CLEC2B: variants seen among roughly 807,000 people sequenced by gnomAD.
The protein encoded by CLEC2B is C-type (calcium dependent, carbohydrate-recognition domain) lectin, superfamily member 2 (activation-induced).
Under a neutral mutation model 16.2 loss-of-function variants are expected in CLEC2B, and 14 were observed. The ratio of observed to expected loss-of-function variants is 0.86; its 90% CI spans 0.57 to 1.35. The LOEUF (loss-of-function observed/expected upper bound fraction) is 1.35. Among genes scored for constraint, CLEC2B ranks in the 40% most tolerant of loss-of-function variants. CLEC2B has a pLI of 0.00. For missense variants in CLEC2B, 166 were observed against 182.3 expected (o/e 0.91, Z 0.52); for synonymous variants, 42 against 55.8 (o/e 0.75, Z 1.10).
intron 3 of CLEC2B, among the ~76,000 whole-genome samples, chr12:9,856,336 T>A (rs528961275): frequency 6.6e-6 from 1 of 152,212 alleles, no homozygotes; most frequent in African/African-American, 2.4e-5. Context: ...TTTCTCAGAA[T>A]GTTCATTTTC....
Position 9,852,604 on chromosome 12 carries a change from T to C in CLEC2B, c.*696A>G, listed in dbSNP as rs1867854537. Among the ~76,000 whole-genome samples, 1 of 152,232 alleles carries C rather than the reference T, an allele frequency of 6.6e-6. No individual in the cohort carries two copies. The highest frequency in any genetic ancestry group is 2.4e-5 in the African/African-American group (1 of 41,462). On this transcript the variant is annotated 3_prime_UTR_variant, in exon 5 of 5. Transcript: ENST00000228438. ...CTGAGTGCCTTTTTCCCCTGGCCTGTCTACCCTGTTTTAGTTGCATATGAC... is the reference window on the plus strand; with the variant it reads ...CTGAGTGCCTTTTTCCCCTGGCCTGCCTACCCTGTTTTAGTTGCATATGAC...
intron 1 of CLEC2B, among the ~76,000 whole-genome samples, chr12:9,867,920 T>G (rs1867984030): frequency 6.6e-6 from 1 of 152,008 alleles, no homozygotes; most frequent in Non-Finnish European, 1.5e-5. Context: ...TCAAACAGAA[T>G]ATTATTTTTC....
chr12:9,853,971 T>C (rs1867872948), intron 4 of CLEC2B, among the ~76,000 whole-genome samples: 1 of 152,142 alleles, frequency 6.6e-6, no homozygotes, highest in Non-Finnish European at 1.5e-5. Flanking sequence ...CAGGACAAAC[T>C]GCATAACAGT....
Position 9,853,113 on chromosome 12 carries a change from A to AGAAAGAGAAAG in CLEC2B, c.*186_*187insCTTTCTCTTTC. ...AGAGAGAGAAAGAAAGAAAGAAAAA[A>AGAAAGAGAAAG]ACTCAGCAGAATACCTGTAACCATT... is the stretch of plus-strand genomic sequence containing the variant. On this transcript the variant is annotated 3_prime_UTR_variant, in exon 5 of 5. Transcript: ENST00000228438. 4 of 408,892 alleles carry AGAAAGAGAAAG rather than the reference A, an allele frequency of 9.8e-6. No individual in the cohort carries two copies. The highest frequency in any genetic ancestry group is 1.7e-5 in the Non-Finnish European group (4 of 233,138). 25.3% of individuals were successfully genotyped at this position (408,892 alleles called of 1,614,324 possible).
intron 2 of CLEC2B, among the ~76,000 whole-genome samples, chr12:9,858,426 T>A (rs1867910311): frequency 6.6e-6 from 1 of 152,072 alleles, no homozygotes; most frequent in Non-Finnish European, 1.5e-5. Context: ...TCTCATAATA[T>A]GTGTTTGTAT....
intron 2 of CLEC2B, among the ~76,000 whole-genome samples, chr12:9,860,153 A>C (rs955281142): frequency 2.0e-5 from 3 of 151,754 alleles, no homozygotes; most frequent in African/African-American, 7.2e-5. Context: ...ATAGCCAGTA[A>C]AATAAGAGAA....
intron 4 of CLEC2B, among the ~76,000 whole-genome samples, chr12:9,853,788 T>G (rs1275665555): frequency 2.0e-5 from 3 of 152,124 alleles, no homozygotes; most frequent in Non-Finnish European, 2.9e-5. Context: ...GCCAATGCCC[T>G]ACAATGCACA....
intron 3 of CLEC2B, chr12:9,857,252 T>C (rs1363674910): frequency 2.1e-6 from 1 of 477,446 alleles, no homozygotes; most frequent in African/African-American, 2.0e-5. Flanking sequence ...CTTTAAAATA[T>C]AAAGATAGGT....
At chr12:9,864,991 T>C (rs906210459) in intron 1 of CLEC2B, among the ~76,000 whole-genome samples, 2 of 152,060 alleles carry the variant, frequency 1.3e-5, no homozygotes, top group Non-Finnish European at 2.9e-5. Context: ...AAGACTAGCC[T>C]GTCCAACATA....
Position 9,852,430 on chromosome 12 carries a change from T to C in CLEC2B, c.*870A>G, listed in dbSNP as rs1867852343. Among the ~76,000 whole-genome samples the C allele has an allele frequency of 6.6e-6, 1 of 152,188 alleles. No homozygotes were observed. The highest frequency in any genetic ancestry group is 2.4e-5 in the African/African-American group (1 of 41,452). On this transcript the variant is annotated 3_prime_UTR_variant, in exon 5 of 5. Transcript: ENST00000228438. ...GTTTTGAGGAGCTGGCAAGTTCTGA[T>C]TGGTGTGTGACAGTGGTGGGTAAAA... is the stretch of plus-strand genomic sequence containing the variant.
At chr12:9,857,298 T>C in intron 3 of CLEC2B, 176 bp downstream of exon 3, 2 of 585,954 alleles carry the variant, frequency 3.4e-6, no homozygotes, top group Non-Finnish European at 6.1e-6. Flanking sequence ...CTTACATTCT[T>C]CAAACAAAGC....
intron 4 of CLEC2B, among the ~76,000 whole-genome samples, chr12:9,854,144 T>C (rs1434968545): frequency 6.6e-6 from 1 of 152,162 alleles, no homozygotes; most frequent in Non-Finnish European, 1.5e-5. Flanking sequence ...GAGTTGTGTA[T>C]ATGAATCTCA....
intron 1 of CLEC2B, among the ~76,000 whole-genome samples, chr12:9,867,531 C>T (rs1332615309): frequency 6.6e-6 from 1 of 152,000 alleles, no homozygotes; most frequent in Non-Finnish European, 1.5e-5. Context: ...ATTTAGGAGG[C>T]TGTAATTATT....
intron 1 of CLEC2B, among the ~76,000 whole-genome samples, chr12:9,866,027 A>G (rs1338203647): frequency 6.6e-6 from 1 of 152,162 alleles, no homozygotes; most frequent in African/African-American, 2.4e-5. Context: ...GTTTATAGTA[A>G]TAAATGCCTT....
intron 2 of CLEC2B, among the ~76,000 whole-genome samples, chr12:9,859,679 G>A (rs1374712349): frequency 6.6e-6 from 1 of 151,636 alleles, no homozygotes; most frequent in Admixed American, 6.6e-5. Context: ...AGGATAGGAG[G>A]GAATACTTTC....
intron 1 of CLEC2B, among the ~76,000 whole-genome samples, chr12:9,863,432 G>A (rs1368471060): frequency 2.6e-5 from 4 of 152,092 alleles, no homozygotes; most frequent in Non-Finnish European, 4.4e-5. Flanking sequence ...AGGGAACTGC[G>A]ATACCCCTAA....
chr12:9,861,611 A>G (rs1867933526), intron 2 of CLEC2B, among the ~76,000 whole-genome samples: 1 of 152,120 alleles, frequency 6.6e-6, no homozygotes, highest in Non-Finnish European at 1.5e-5. Flanking sequence ...GTTCACAACC[A>G]CCCAATTTGC....
intron 2 of CLEC2B, 128 bp downstream of exon 2, chr12:9,862,371 T>C (rs1416844649): frequency 2.4e-6 from 2 of 838,254 alleles, no homozygotes; most frequent in Non-Finnish European, 3.3e-6. Context: ...TATTCATTTG[T>C]ACCAATTAAA....
At chr12:9,853,922 C>T (rs938821734) in intron 4 of CLEC2B, among the ~76,000 whole-genome samples, 1 of 152,116 alleles carries the variant, frequency 6.6e-6, no homozygotes, top group Non-Finnish European at 1.5e-5. Context: ...GGGATGTGTA[C>T]ACACATTTTC....
Sources: gnomAD v4.1 joint callset for allele counts (sites outside exome capture counted in the v4.1 genomes callset) on GRCh38, gnomAD v4.1.1 for gene constraint, MANE v1.5 for transcripts, NCBI Gene and HGNC (gene_info 2026-07-23, HGNC 2026-07-21) for gene names.